Variants in SURF6 observed in about 807,000 individuals in gnomAD.
The protein encoded by SURF6 is surfeit 6.
Under a neutral mutation model 37.5 loss-of-function variants are expected in SURF6, and 28 were observed. The ratio of observed to expected loss-of-function variants is 0.75; its 90% CI spans 0.55 to 1.02. The LOEUF (loss-of-function observed/expected upper bound fraction) is 1.02, where lower values mean the gene tolerates loss of function less well. Among genes scored for constraint, SURF6 ranks in the 50% least tolerant of loss-of-function variants. SURF6 has a pLI of 0.00. For synonymous variants in SURF6, 248 were observed against 210.9 expected (o/e 1.18, Z -1.52); for missense variants, 560 against 490.5 (o/e 1.14, Z -1.34).
chr9:133,335,736 C>T (rs1835856162), intron 1 of SURF6, among the ~76,000 whole-genome samples: 1 of 150,044 alleles, frequency 6.7e-6, no homozygotes, highest in Non-Finnish European at 1.5e-5. Flanking sequence ...ATTAGCTGGG[C>T]GTGGTGGCGG....
At chr9:133,335,732 T>C (rs1221112471) in intron 1 of SURF6, among the ~76,000 whole-genome samples, 1 of 147,744 alleles carries the variant, frequency 6.8e-6, no homozygotes, top group Non-Finnish European at 1.5e-5. Flanking sequence ...AAAAATTAGC[T>C]GGGCGTGGTG....
rs2129919996 is a variant in SURF6, at chr9:133,332,609, T to G, written c.545A>C (p.Glu182Ala). ...CGTGCAGGCCCCCTCTGGGGTTGCC[T>G]CCACCACCTCCTGGGCCTCCGTGGC... ...EEATEAQEVV[E>A]ATPEGACTEP... Residue 182 changes from glutamate (E) to alanine (A), a missense_variant, in exon 4 of 5, where the codon GAG becomes GCG. Physicochemically the swap from Glu to Ala is moderately radical, Grantham distance 107. Coordinates refer to ENST00000372022, the MANE Select transcript of SURF6 (RefSeq NM_006753.6). The G allele has an allele frequency of 6.2e-7, 1 of 1,610,422 alleles. No homozygotes were observed. The highest frequency in any genetic ancestry group is 1.3e-5 in the African/African-American group (1 of 74,920).
chr9:133,331,982 G>T lies in SURF6; in HGVS notation c.973C>A (p.Arg325=). The change falls in exon 5 of 5, where the codon CGG becomes AGG. Residue 325 remains arginine, a synonymous_variant. Transcript: ENST00000372022. The part of the protein sequence containing the change: ...VEKMQQRQDR[R]RQNLRRKKAA... ...TTCTTCCTGCGCAGGTTCTGCCGCC[G>T]CCGGTCCTGGCGCTGCTGCATCTTC... The T allele has an allele frequency of 6.3e-7, 1 of 1,597,394 alleles. No homozygotes were observed. Among genetic ancestry groups the T allele is most frequent in the Non-Finnish European group, 8.5e-7 (1 of 1,178,470 alleles).
At chr9:133,332,859 G>C (rs879768361) in intron 3 of SURF6, 99 bp from the exon 4 acceptor site, 1 of 1,239,752 alleles carries the variant, frequency 8.1e-7, no homozygotes, top group Non-Finnish European at 1.1e-6. Flanking sequence ...AGGCAGGTGA[G>C]AAAATCCTCA....
intron 3 of SURF6, among the ~76,000 whole-genome samples, chr9:133,333,484 G>A (rs1417290418): frequency 1.3e-5 from 2 of 152,170 alleles, no homozygotes; most frequent in African/African-American, 2.4e-5. Flanking sequence ...GACACAGGAG[G>A]TGCCCATCCC....
At chr9:133,335,494 C>G (rs1835850692) in intron 1 of SURF6, among the ~76,000 whole-genome samples, 1 of 152,098 alleles carries the variant, frequency 6.6e-6, no homozygotes. Flanking sequence ...CTCCTCTCCT[C>G]CTGGGCCCAG....
At chr9:133,333,036 T>C (rs2129922276) in intron 3 of SURF6, 2 of 510,920 alleles carry the variant, frequency 3.9e-6, no homozygotes, top group East Asian at 3.6e-5. Flanking sequence ...ATGTCATACA[T>C]CGTTTTATAG....
chr9:133,331,902 C>A lies in SURF6; in HGVS notation c.1053G>T (p.Leu351=). 2 of 1,531,896 alleles carry A rather than the reference C, an allele frequency of 1.3e-6. No homozygotes were observed. Among genetic ancestry groups the A allele is most frequent in the Non-Finnish European group, 1.7e-6 (2 of 1,151,812 alleles). The allele number at this position is 1,531,896 out of a possible 1,614,324, so 94.9% of individuals were successfully genotyped here. A position where few individuals can be genotyped will look rare whatever the true frequency, so the allele number is the denominator to read the frequency against. The part of the protein sequence containing the change: ...LLRARKKGRI[L]PQDLERAGLV ...GGCCTGCGCGCTCCAGGTCCTGCGG[C>A]AGGATGCGGCCCTTCTTGCGGGCTC... is the stretch of plus-strand genomic sequence containing the variant. The change falls in exon 5 of 5, where the codon CTG becomes CTT. Residue 351 remains leucine (L), a synonymous_variant. Coordinates refer to ENST00000372022, the MANE Select transcript of SURF6 (RefSeq NM_006753.6).
At position 133,332,089 on chromosome 9, in the gene SURF6, A is replaced by G. The variant is rs2129914886; in HGVS notation, c.866T>C (p.Leu289Pro). The change falls in exon 5 of 5, where the codon CTG becomes CCG. Residue 289 changes from leucine (L) to proline (P), a missense_variant. Physicochemically the swap from Leu to Pro is moderately conservative, Grantham distance 98. Coordinates refer to ENST00000372022, the MANE Select transcript of SURF6 (RefSeq NM_006753.6). Reference protein sequence around the residue: ...GVKIRDDERLLQEALKRKEKR... With the variant: ...GVKIRDDERLPQEALKRKEKR... Reference sequence around the variant, plus strand: ...CTCCTTGCGCTTCAGGGCCTCCTGCAGCAGGCGTTCGTCGTCACGGATCTT... The same window carrying G: ...CTCCTTGCGCTTCAGGGCCTCCTGCGGCAGGCGTTCGTCGTCACGGATCTT... 4 of 1,608,612 alleles carry G rather than the reference A, an allele frequency of 2.5e-6. No individual in the cohort carries two copies. Among genetic ancestry groups the G allele is most frequent in the South Asian group, 1.1e-5 (1 of 91,090 alleles).
rs935737369 is a variant in SURF6 at position 133,329,755 on chromosome 9, T to A, written c.*2114A>T. On this transcript the variant is annotated 3_prime_UTR_variant, in exon 5 of 5. Coordinates refer to ENST00000372022, the MANE Select transcript of SURF6 (RefSeq NM_006753.6). ...GATCTATATCTGCTGTAACTATTCT[T>A]GTTTTATATTTTATTATACTGGAAC... The A allele has an allele frequency of 6.6e-6, 1 of 152,024 alleles. No individual in the cohort carries two copies. The highest frequency in any genetic ancestry group is 1.5e-5 in the Non-Finnish European group (1 of 68,040). 9.4% of individuals were successfully genotyped at this position (152,024 alleles called of 1,614,324 possible).
chr9:133,334,502 TGCTCAGCAGCCTTCTCTTCTC>T lies in SURF6; in HGVS notation c.173_193del (p.Arg58_Glu64del). The stretch of plus-strand genomic sequence containing the variant: ...TTTCTCCCCCAAGGACTTGGCCTTG[TGCTCAGCAGCCTTCTCTTCTC>T]GCTTCCGGAATTTCTTTTGTGTTTT... On this transcript the variant is annotated inframe_deletion, in exon 2 of 5. Transcript: ENST00000372022. The T allele has an allele frequency of 6.2e-7, 1 of 1,614,156 alleles. No homozygotes were observed. Among genetic ancestry groups the T allele is most frequent in the Non-Finnish European group, 8.5e-7 (1 of 1,180,036 alleles).
At position 133,334,355 on chromosome 9, in the gene SURF6, G is replaced by A. The variant is rs11244090; in HGVS notation, c.304+37C>T. ...CAAGCCCAAGCCCAGCCCCAGCCCC[G>A]CCCTGCACAGAACCAACATGCCCTG... On this transcript the variant is annotated intron_variant, in intron 2 of 4. Transcript: ENST00000372022. The A allele has an allele frequency of 0.015, 21,779 of 1,454,832 alleles. 182 individuals carry two copies. The highest frequency in any genetic ancestry group is 0.024 in the East Asian group (997 of 41,060). The allele number at this position is 1,454,832 out of a possible 1,614,324, so 90.1% of individuals were successfully genotyped here. A position where few individuals can be genotyped will look rare whatever the true frequency, so the allele number is the denominator to read the frequency against.
At chr9:133,335,518 G>T (rs1452999616) in intron 1 of SURF6, among the ~76,000 whole-genome samples, 1 of 151,900 alleles carries the variant, frequency 6.6e-6, no homozygotes, top group Non-Finnish European at 1.5e-5. Context: ...GCACTGACAC[G>T]TCCCCGCTGT....
At position 133,332,552 on chromosome 9, in the gene SURF6, T is replaced by C; in HGVS notation, c.602A>G (p.Asn201Ser). ...EPREPPGLIFNKVEVSEDEPA... is the reference protein window; with the variant it reads ...EPREPPGLIFSKVEVSEDEPA... ...AAGGACCCAGCTCCCGCTCACCTTATTGAAGATCAGCCCGGGCGGCTCCCG... is the reference window on the plus strand; with the variant it reads ...AAGGACCCAGCTCCCGCTCACCTTACTGAAGATCAGCCCGGGCGGCTCCCG... The change falls in exon 4 of 5, where the codon AAT becomes AGT. Residue 201 changes from asparagine (N) to serine (S), a missense_variant. Physicochemically the swap from Asn to Ser is conservative, Grantham distance 46. Coordinates refer to ENST00000372022, the MANE Select transcript of SURF6 (RefSeq NM_006753.6). 6.2e-7 allele frequency: 1 copy of C among 1,608,596 alleles called. No individual in the cohort carries two copies. Among genetic ancestry groups the C allele is most frequent in the Non-Finnish European group, 8.5e-7 (1 of 1,179,756 alleles).
Position 133,332,671 on chromosome 9 carries a change from C to T in SURF6, c.483G>A (p.Glu161=), listed in dbSNP as rs2129920478. The T allele has an allele frequency of 5.6e-6, 9 of 1,612,370 alleles. No homozygotes were observed. Among genetic ancestry groups the T allele is most frequent in the South Asian group, 1.1e-5 (1 of 91,088 alleles). Residue 161 remains glutamate, a synonymous_variant, in exon 4 of 5, where the codon GAG becomes GAA. Coordinates refer to ENST00000372022, the MANE Select transcript of SURF6 (RefSeq NM_006753.6). The part of the protein sequence containing the change: ...ERDRKKRKRK[E]LRAKEKARKA... ...TCCTGGCCTTCTCTTTCGCCCGCAG[C>T]TCCTTTCGCTTCCTCTTCTTCCGGT...
Position 133,329,387 on chromosome 9 carries a change from TCCTCCAGGG to T in SURF6, c.*2473_*2481del, listed in dbSNP as rs1835664605. On this transcript the variant is annotated 3_prime_UTR_variant, in exon 5 of 5. Transcript: ENST00000372022. The stretch of plus-strand genomic sequence containing the variant: ...TGGAAGAGCAGAGTCTTCTCTAAAC[TCCTCCAGGG>T]AAAGGGACACTCCCTTTCCCGGTCT... The T allele has an allele frequency of 1.3e-5, 3 of 235,554 alleles. No individual in the cohort carries two copies. The highest frequency in any genetic ancestry group is 2.6e-5 in the Non-Finnish European group (3 of 117,266). The allele number at this position is 235,554 out of a possible 1,614,324, so 14.6% of individuals were successfully genotyped here.
chr9:133,332,103 G>C lies in SURF6; in HGVS notation c.852C>G (p.Asp284Glu), dbSNP rs144798067. The C allele has an allele frequency of 8.9e-5, 144 of 1,609,482 alleles. No homozygotes were observed. The highest frequency in any genetic ancestry group is 1.2e-4 in the Non-Finnish European group (137 of 1,179,926). The change falls in exon 5 of 5, where the codon GAC (aspartate) becomes GAG (glutamate). Residue 284 changes from aspartate (D) to glutamate (E), a missense_variant. Physicochemically the swap from Asp to Glu is conservative, Grantham distance 45 (BLOSUM62 2). Transcript: ENST00000372022. The part of the protein sequence containing the change: ...LYKAEGVKIR[D>E]DERLLQEALK... ...GGGCCTCCTGCAGCAGGCGTTCGTC[G>C]TCACGGATCTTCACGCCCTCCGCCT...
At position 133,332,292 on chromosome 9, in the gene SURF6, CCTCTT is replaced by C; in HGVS notation, c.658_662del (p.Lys220AlafsTer37). ...GCGTGAGGTTCCCCTTCACCCTCTG[CCTCTT>C]CTCTTTTCTGCGCTGCGCCTTGCTG... On this transcript the variant is annotated frameshift_variant, in exon 5 of 5. Coordinates refer to ENST00000372022, the MANE Select transcript of SURF6 (RefSeq NM_006753.6). LOFTEE classifies it high-confidence loss of function. 6.2e-7 allele frequency: 1 copy of C among 1,600,198 alleles called. No homozygotes were observed. The highest frequency in any genetic ancestry group is 8.5e-7 in the Non-Finnish European group (1 of 1,177,640).
chr9:133,332,977 T>C (rs1319796457), intron 3 of SURF6: 1 of 589,932 alleles, frequency 1.7e-6, no homozygotes, highest in Non-Finnish European at 3.0e-6. Context: ...CAGCTTCCAA[T>C]TCCCGGGTGC....
Sources: gnomAD v4.1 joint callset for allele counts (sites outside exome capture counted in the v4.1 genomes callset) on GRCh38, gnomAD v4.1.1 for gene constraint, MANE v1.5 for transcripts, NCBI Gene and HGNC (gene_info 2026-07-23, HGNC 2026-07-21) for gene names.